The following NBAS variants were observed in gnomAD, a reference collection of about 807,000 sequenced individuals.
NBAS encodes NAG/BC035112 fusion.
NBAS carries 219 observed loss-of-function variants against 302.5 expected under a neutral mutation model. That is an observed-to-expected ratio of 0.72 (90% CI 0.65 to 0.81). NBAS has a LOEUF of 0.81. NBAS is among the 30% of genes least tolerant of loss of function. The pLI, the probability that NBAS is intolerant of heterozygous loss-of-function variation, is 0.00. For synonymous variants in NBAS, 1,118 were observed against 1,021.6 expected (o/e 1.09, Z -1.80); for missense variants, 2,932 against 2,841.6 (o/e 1.03, Z -0.72).
chr2:15,332,403 T>C (rs1245256242), intron 35 of NBAS, among the ~76,000 whole-genome samples: 1 of 152,190 alleles, frequency 6.6e-6, no homozygotes, highest in Non-Finnish European at 1.5e-5. Flanking sequence ...TATATTATGT[T>C]AGGACACAAA....
the NBAS span, among the ~76,000 whole-genome samples, chr2:14,978,694 G>A: frequency 1.3e-5 from 2 of 152,140 alleles, no homozygotes; most frequent in African/African-American, 4.8e-5. Flanking sequence ...CAAATTTCCT[G>A]AAGTCACAGA....
chr2:14,789,012 T>G, the NBAS span, among the ~76,000 whole-genome samples: 2 of 152,232 alleles, frequency 1.3e-5, no homozygotes, highest in Non-Finnish European at 2.9e-5. Flanking sequence ...GCTGCTTTGT[T>G]TACCTAAGCA....
At chr2:15,239,280 A>G (rs1022683488) in intron 44 of NBAS, among the ~76,000 whole-genome samples, 2 of 152,030 alleles carry the variant, frequency 1.3e-5, no homozygotes, top group Non-Finnish European at 2.9e-5. Flanking sequence ...ATTAAACTTC[A>G]AACTATATCT....
chr2:15,003,056 G>A, the NBAS span, among the ~76,000 whole-genome samples: 1 of 152,262 alleles, frequency 6.6e-6, no homozygotes, highest in East Asian at 1.9e-4. Context: ...GGCGCCGAGA[G>A]CGAGCGAGGG....
chr2:15,121,533 C>T, the NBAS span, among the ~76,000 whole-genome samples: 1 of 152,146 alleles, frequency 6.6e-6, no homozygotes, highest in Non-Finnish European at 1.5e-5. Context: ...GGATGGAATT[C>T]AGGCATTCCA....
At position 15,473,232 on chromosome 2, in the gene NBAS, T is replaced by A; in HGVS notation, c.1715A>T (p.Gln572Leu). 6.2e-7 allele frequency: 1 copy of A among 1,614,034 alleles called. No individual in the cohort carries two copies. The highest frequency in any genetic ancestry group is 1.3e-5 in the African/African-American group (1 of 75,066). ...RKSAVNVASIQNYLSKIKKRS... is the reference protein window; with the variant it reads ...RKSAVNVASILNYLSKIKKRS... ...AATATTTAAACATACCAAATAATTC[T>A]GAATTGAAGCAACGTTGACCGCTGA... Residue 572 changes from glutamine to leucine, a missense_variant, in exon 16 of 52, where the codon CAG becomes CTG. Transcript: ENST00000281513.
intron 21 of NBAS, among the ~76,000 whole-genome samples, chr2:15,444,316 A>T (rs891545648): frequency 6.6e-6 from 1 of 152,218 alleles, no homozygotes; most frequent in African/African-American, 2.4e-5. Context: ...ATATAGATCA[A>T]TGGAACAGAA....
chr2:15,417,166 C>A (rs1476430370), intron 24 of NBAS, among the ~76,000 whole-genome samples: 1 of 152,168 alleles, frequency 6.6e-6, no homozygotes, highest in Non-Finnish European at 1.5e-5. Context: ...GTCCTCTTAA[C>A]CCTGATACTT....
intron 51 of NBAS, chr2:15,178,140 TG>T: frequency 1.3e-5 from 6 of 470,646 alleles, no homozygotes; most frequent in South Asian, 9.3e-5. Flanking sequence ...CTTCCTTCTC[TG>T]GTCCCTAGAA....
At chr2:15,440,796 C>T (rs1251055053) in intron 21 of NBAS, among the ~76,000 whole-genome samples, 1 of 151,934 alleles carries the variant, frequency 6.6e-6, no homozygotes, top group Non-Finnish European at 1.5e-5. Flanking sequence ...ATAACCAATA[C>T]AGAGAAGTGC....
chr2:15,031,700 C>T, the NBAS span, among the ~76,000 whole-genome samples: 1 of 152,232 alleles, frequency 6.6e-6, no homozygotes, highest in African/African-American at 2.4e-5. Flanking sequence ...CCAACTTATT[C>T]ATGCCTGTGA....
intron 44 of NBAS, among the ~76,000 whole-genome samples, chr2:15,270,852 T>C (rs529106800): frequency 3.3e-5 from 5 of 152,210 alleles, no homozygotes; most frequent in Non-Finnish European, 5.9e-5. Context: ...ACATAGCAAA[T>C]GCCTAAATAC....
At chr2:14,871,404 T>C in the NBAS span, among the ~76,000 whole-genome samples, 10 of 152,076 alleles carry the variant, frequency 6.6e-5, no homozygotes, top group African/African-American at 1.7e-4. Flanking sequence ...AGAATATCCA[T>C]TGCCAGCAAA....
chr2:15,540,312 C>T (rs1233488395), intron 6 of NBAS, among the ~76,000 whole-genome samples: 2 of 151,984 alleles, frequency 1.3e-5, no homozygotes, highest in Non-Finnish European at 2.9e-5. Context: ...TGCCTCTCCA[C>T]CAGAGCCTTA....
At chr2:15,316,138 G>T (rs1418521275) in intron 38 of NBAS, among the ~76,000 whole-genome samples, 1 of 152,176 alleles carries the variant, frequency 6.6e-6, no homozygotes, top group Non-Finnish European at 1.5e-5. Flanking sequence ...TCTACATTTA[G>T]CAGTGTGCAC....
chr2:14,994,282 C>T, the NBAS span, among the ~76,000 whole-genome samples: 2 of 152,148 alleles, frequency 1.3e-5, no homozygotes, highest in Non-Finnish European at 2.9e-5. Context: ...AAAGAAGGTG[C>T]AAGCTTCAAC....
At chr2:15,322,982 A>G (rs1671891540) in intron 38 of NBAS, among the ~76,000 whole-genome samples, 1 of 152,228 alleles carries the variant, frequency 6.6e-6, no homozygotes, top group South Asian at 2.1e-4. Flanking sequence ...ACATTTTTTA[A>G]TATAAATTGT....
chr2:14,922,628 C>T, the NBAS span, among the ~76,000 whole-genome samples: 1 of 152,208 alleles, frequency 6.6e-6, no homozygotes, highest in Non-Finnish European at 1.5e-5. Flanking sequence ...TTGTGACTTT[C>T]TTTAACCTTA....
chr2:15,442,291 T>C (rs1352921052), intron 21 of NBAS, among the ~76,000 whole-genome samples: 1 of 147,636 alleles, frequency 6.8e-6, no homozygotes, highest in Non-Finnish European at 1.5e-5. Flanking sequence ...GCAGAAATTA[T>C]AACAAACTAT....
Sources: allele counts gnomAD v4.1 joint callset (sites outside exome capture counted in the v4.1 genomes callset), GRCh38; gene constraint gnomAD v4.1.1; transcripts MANE v1.5; gene names NCBI Gene and HGNC (gene_info 2026-07-23, HGNC 2026-07-21).